The following ESRP2 variants were observed in gnomAD, a reference collection of about 807,000 sequenced individuals.
ESRP2 encodes the protein RNA binding motif protein 35A.
In ESRP2, 48 loss-of-function variants were observed where a neutral mutation model predicts 78.6. The ratio of observed to expected loss-of-function variants is 0.61; its 90% CI spans 0.48 to 0.78. ESRP2 has a LOEUF of 0.78. ESRP2 is among the 30% of genes least tolerant of loss of function. ESRP2 has a pLI of 0.00. For synonymous variants in ESRP2, 383 were observed against 406.7 expected (o/e 0.94, Z 0.70); for missense variants, 863 against 965.9 (o/e 0.89, Z 1.41).
Position 68,232,155 on chromosome 16 carries a change from C to T in ESRP2, c.998-52G>A, listed in dbSNP as rs756123489. ...TCACTCATGCTCCTCCAGACACTCA[C>T]CCATGCAGGGGAGCAGGCAGGCAAG... On this transcript the variant is annotated intron_variant, in intron 9 of 14. Transcript: ENST00000473183. This position sits in a 1 kb window ranked among gnomAD's most constrained non-coding sequence, Gnocchi z 5.2. The T allele has an allele frequency of 1.2e-6, 2 of 1,612,132 alleles. No individual in the cohort carries two copies. The highest frequency in any genetic ancestry group is 1.3e-5 in the African/African-American group (1 of 74,992).
chr16:68,234,025 C>T lies in ESRP2; in HGVS notation c.410G>A (p.Arg137Gln), dbSNP rs753751967. The change falls in exon 3 of 15, where the codon CGA becomes CAA. Residue 137 changes from arginine (R) to glutamine (Q), a missense_variant. Arg to Gln is a conservative substitution (Grantham distance 43, BLOSUM62 1). Coordinates refer to ENST00000473183, the MANE Select transcript of ESRP2 (RefSeq NM_024939.3). The stretch of plus-strand genomic sequence containing the variant: ...GGAGGCCTCGGGGTGCAGGACCTGT[C>T]GCAATAGCTGCTGCCCATCAGTGCA... ...MLCTDGQQLL[R>Q]QVLHPEASRK... The T allele has an allele frequency of 7.4e-6, 12 of 1,613,930 alleles. No individual in the cohort carries two copies. Among genetic ancestry groups the T allele is most frequent in the African/African-American group, 4.0e-5 (3 of 74,900 alleles).
rs750177300 is a variant in ESRP2, at chr16:68,232,646, G to A, written c.752C>T (p.Ala251Val). 6.2e-7 allele frequency: 1 copy of A among 1,614,190 alleles called. No homozygotes were observed. The highest frequency in any genetic ancestry group is 8.5e-7 in the Non-Finnish European group (1 of 1,180,038). ...TGATGACTGCCACGGCAACCCACGAGCCCGTACCACAGTCTCACTGTCCAC... is the reference window on the plus strand; with the variant it reads ...TGATGACTGCCACGGCAACCCACGAACCCGTACCACAGTCTCACTGTCCAC... ...DVVDSETVVR[A>V]RGLPWQSSDQ... is the part of the protein sequence containing the mutation. Residue 251 changes from alanine (A) to valine (V), a missense_variant, in exon 7 of 15, where the codon GCT becomes GTT. Physicochemically the swap from Ala to Val is moderately conservative, Grantham distance 64. Transcript: ENST00000473183. This position sits in a 1 kb window ranked among gnomAD's most constrained non-coding sequence, Gnocchi z 5.2.
chr16:68,233,092 T>C (rs2042168387), intron 5 of ESRP2: 1 of 611,026 alleles, frequency 1.6e-6, no homozygotes, highest in South Asian at 2.0e-5. Context: ...CCAGCTACTC[T>C]GGAGGCTTAG....
In ESRP2 at chr16:68,235,140, G is replaced by A; in HGVS notation, c.327+494C>T. On this transcript the variant is annotated intron_variant, in intron 2 of 14. Transcript: ENST00000473183. This position sits in a 1 kb window ranked among gnomAD's most constrained non-coding sequence, Gnocchi z 5.5. The stretch of plus-strand genomic sequence containing the variant: ...GCGCCCACGCCTGGCCAGCCGGCCG[G>A]GACAGGCCTAGACGAGCAGTTTACA... 1 of 992,736 alleles carries A rather than the reference G, an allele frequency of 1.0e-6. No homozygotes were observed. Among genetic ancestry groups the A allele is most frequent in the Non-Finnish European group, 1.2e-6 (1 of 834,328 alleles). The allele number at this position is 992,736 out of a possible 1,614,324, so 61.5% of individuals were successfully genotyped here.
At chr16:68,230,625 C>T in intron 13 of ESRP2, 71 bp from the exon 14 acceptor site, 1 of 1,495,874 alleles carries the variant, frequency 6.7e-7, no homozygotes, top group Non-Finnish European at 8.9e-7. Context: ...TTTCCCTCCT[C>T]CCTTGTTTCT....
rs754535077 is a variant in ESRP2, at chr16:68,232,585, G to A, written c.813C>T (p.Asn271=). 6.2e-6 allele frequency: 10 copies of A among 1,613,812 alleles called. No individual in the cohort carries two copies. The highest frequency in any genetic ancestry group is 3.3e-4 in the Middle Eastern group (2 of 6,084). ...QDVARFFKGL[N]VARGGVALCL... ...CACCCTGCCACACCCACCTGGCCAC[G>A]TTGAGCCCTTTGAAGAAGCGAGCCA... Residue 271 remains asparagine, a synonymous_variant, in exon 7 of 15, where the codon AAC becomes AAT. Coordinates refer to ENST00000473183, the MANE Select transcript of ESRP2 (RefSeq NM_024939.3). This position sits in a 1 kb window ranked among gnomAD's most constrained non-coding sequence, Gnocchi z 5.2.
chr16:68,232,342 C>G lies in ESRP2; in HGVS notation c.954+29G>C. The G allele has an allele frequency of 3.1e-6, 5 of 1,614,174 alleles. No individual in the cohort carries two copies. The highest frequency in any genetic ancestry group is 4.2e-6 in the Non-Finnish European group (5 of 1,180,018). On this transcript the variant is annotated intron_variant, in intron 8 of 14. Transcript: ENST00000473183. This position sits in a 1 kb window ranked among gnomAD's most constrained non-coding sequence, Gnocchi z 5.2. ...GGTCTCAGGCCTGACTCAGATTGGC[C>G]CTGCTCCGCTCCCAGCCCAAAGCCC... is the stretch of plus-strand genomic sequence containing the variant.
In ESRP2 at chr16:68,233,970, C is replaced by T. The variant is rs182892136; in HGVS notation, c.441+24G>A. 5 of 1,611,214 alleles carry T rather than the reference C, an allele frequency of 3.1e-6. No individual in the cohort carries two copies. The Admixed American group carries it at 6.7e-5, about 22-fold the overall frequency. Reference sequence around the variant, plus strand: ...GAACCTTACTGACCACCCCACCCCACCCGGTTTTCCTTCAGGAGCATACCT... The same window carrying T: ...GAACCTTACTGACCACCCCACCCCATCCGGTTTTCCTTCAGGAGCATACCT... On this transcript the variant is annotated intron_variant, in intron 3 of 14. Coordinates refer to ENST00000473183, the MANE Select transcript of ESRP2 (RefSeq NM_024939.3).
At position 68,235,178 on chromosome 16, in the gene ESRP2, T is replaced by C; in HGVS notation, c.327+456A>G. 1.0e-6 allele frequency: 1 copy of C among 985,306 alleles called. No homozygotes were observed. The highest frequency in any genetic ancestry group is 1.2e-6 in the Non-Finnish European group (1 of 829,900). 61.0% of individuals were successfully genotyped at this position (985,306 alleles called of 1,614,324 possible). On this transcript the variant is annotated intron_variant, in intron 2 of 14. Transcript: ENST00000473183. The surrounding 1 kb of genome is among the most constrained non-coding windows in gnomAD (Gnocchi z 5.5). ...CGAGCAGTTTACACCTGGCGGCGTC[T>C]ACCTCTAGGGCCGACACCGCCCTAC...
In ESRP2 at chr16:68,235,968, C is replaced by A; in HGVS notation, c.78G>T (p.Trp26Cys). ...CGAAGAGGACGACCAGTGATCCGGG[C>A]CAGGGGCAGGGGTCCGCGGCGGGGT... ...AADPAADPCP[W>C]PGSLVVLFGA... Residue 26 changes from tryptophan to cysteine, a missense_variant, in exon 1 of 15, where the codon TGG becomes TGT. Trp to Cys is a radical substitution (Grantham distance 215). Coordinates refer to ENST00000473183, the MANE Select transcript of ESRP2 (RefSeq NM_024939.3). This position sits in a 1 kb window ranked among gnomAD's most constrained non-coding sequence, Gnocchi z 5.5. 6.2e-7 allele frequency: 1 copy of A among 1,607,336 alleles called. No individual in the cohort carries two copies. The highest frequency in any genetic ancestry group is 8.5e-7 in the Non-Finnish European group (1 of 1,177,970).
chr16:68,233,975 T>A lies in ESRP2; in HGVS notation c.441+19A>T. 1.2e-6 allele frequency: 2 copies of A among 1,612,208 alleles called. No individual in the cohort carries two copies. The highest frequency in any genetic ancestry group is 1.7e-6 in the Non-Finnish European group (2 of 1,178,630). ...TTACTGACCACCCCACCCCACCCGG[T>A]TTTCCTTCAGGAGCATACCTTCCTG... On this transcript the variant is annotated intron_variant, in intron 3 of 14. Transcript: ENST00000473183.
chr16:68,232,237 T>C lies in ESRP2; in HGVS notation c.997+9A>G. 1 of 1,614,158 alleles carries C rather than the reference T, an allele frequency of 6.2e-7. No individual in the cohort carries two copies. Among genetic ancestry groups the C allele is most frequent in the Non-Finnish European group, 8.5e-7 (1 of 1,179,996 alleles). On this transcript the variant is annotated intron_variant, in intron 9 of 14. Transcript: ENST00000473183. This position sits in a 1 kb window ranked among gnomAD's most constrained non-coding sequence, Gnocchi z 5.2. ...CAGGGGAGCCAGGCCCTGTTTGCAG[T>C]ATACTCACCCCCTGCAATCTTTACA...
Position 68,230,603 on chromosome 16 carries a change from G to C in ESRP2, c.1899-49C>G, listed in dbSNP as rs1419232720. The stretch of plus-strand genomic sequence containing the variant: ...AGTCATGCATGCCACCTGTGGCCTA[G>C]ACCGAGACCTGTTTCCCTCCTCCCT... On this transcript the variant is annotated intron_variant, in intron 13 of 14. Transcript: ENST00000473183. 2.6e-6 allele frequency: 4 copies of C among 1,517,262 alleles called. No homozygotes were observed. The Admixed American group carries it at 6.4e-5, about 24-fold the overall frequency. 94.0% of individuals were successfully genotyped at this position (1,517,262 alleles called of 1,614,324 possible).
Position 68,231,610 on chromosome 16 carries a change from T to A in ESRP2, c.1384A>T (p.Thr462Ser). ...CGGAGGCGTACACAGTCCCTCCCAG[T>A]CCCAGGTGCCAGTGGGAAGGGGATG... The part of the protein sequence containing the change: ...LPIPFPLAPG[T>S]GRDCVRLRGL... The change falls in exon 11 of 15, where the codon ACT becomes TCT. Residue 462 changes from threonine to serine, a missense_variant. By Grantham distance (58) the Thr-to-Ser change is moderately conservative. Coordinates refer to ENST00000473183, the MANE Select transcript of ESRP2 (RefSeq NM_024939.3). The surrounding 1 kb of genome is among the most constrained non-coding windows in gnomAD (Gnocchi z 6.0). 1.2e-6 allele frequency: 2 copies of A among 1,613,828 alleles called. No homozygotes were observed. The highest frequency in any genetic ancestry group is 1.7e-6 in the Non-Finnish European group (2 of 1,179,928).
intron 13 of ESRP2, 46 bp downstream of exon 13, chr16:68,230,795 T>C: frequency 5.0e-6 from 8 of 1,608,564 alleles, no homozygotes; most frequent in Non-Finnish European, 5.9e-6. Flanking sequence ...TTTCCCCAGA[T>C]TGGGACAGGG....
intron 13 of ESRP2, 73 bp from the exon 14 acceptor site, chr16:68,230,627 C>A: frequency 6.7e-7 from 1 of 1,491,900 alleles, no homozygotes; most frequent in Non-Finnish European, 9.0e-7. Flanking sequence ...TCCCTCCTCC[C>A]TTGTTTCTGC....
At position 68,232,226 on chromosome 16, in the gene ESRP2, C is replaced by G; in HGVS notation, c.997+20G>C. On this transcript the variant is annotated intron_variant, in intron 9 of 14. Coordinates refer to ENST00000473183, the MANE Select transcript of ESRP2 (RefSeq NM_024939.3). This position sits in a 1 kb window ranked among gnomAD's most constrained non-coding sequence, Gnocchi z 5.2. ...GGATCAAGAACCAGGGGAGCCAGGC[C>G]CTGTTTGCAGTATACTCACCCCCTG... The G allele has an allele frequency of 6.2e-7, 1 of 1,614,090 alleles. No individual in the cohort carries two copies. The highest frequency in any genetic ancestry group is 8.5e-7 in the Non-Finnish European group (1 of 1,179,994).
chr16:68,235,713 C>G lies in ESRP2; in HGVS notation c.248G>C (p.Ser83Thr). The change falls in exon 2 of 15, where the codon AGT becomes ACT. Residue 83 changes from serine (S) to threonine (T), a missense_variant. Ser to Thr is a moderately conservative substitution (Grantham distance 58). Transcript: ENST00000473183. This position sits in a 1 kb window ranked among gnomAD's most constrained non-coding sequence, Gnocchi z 5.5. ...SLVRAEAAAL[S>T]TQCREASGLS... The stretch of plus-strand genomic sequence containing the variant: ...GCCGCTCGCCTCGCGGCACTGCGTA[C>G]TCAGTGCGGCCGCCTCGGCACGAAC... The G allele has an allele frequency of 3.7e-6, 6 of 1,604,738 alleles. No homozygotes were observed. Among genetic ancestry groups the G allele is most frequent in the Non-Finnish European group, 5.1e-6 (6 of 1,178,950 alleles).
Position 68,232,458 on chromosome 16 carries a change from G to C in ESRP2, c.867C>G (p.Gly289=), listed in dbSNP as rs570243647. The change falls in exon 8 of 15, where the codon GGC becomes GGG. Residue 289 remains glycine, a synonymous_variant. Coordinates refer to ENST00000473183, the MANE Select transcript of ESRP2 (RefSeq NM_024939.3). This position sits in a 1 kb window ranked among gnomAD's most constrained non-coding sequence, Gnocchi z 5.2. Reference sequence around the variant, plus strand: ...TGTCCACAAAGCGGATGAGGGCCTCGCCATTTCTGCGGCCCTGGGCGTTGA... The same window carrying C: ...TGTCCACAAAGCGGATGAGGGCCTCCCCATTTCTGCGGCCCTGGGCGTTGA... ...LCLNAQGRRN[G]EALIRFVDSE... The C allele has an allele frequency of 1.4e-5, 22 of 1,613,918 alleles. No homozygotes were observed. Among genetic ancestry groups the C allele is most frequent in the Non-Finnish European group, 1.8e-5 (21 of 1,180,008 alleles).
Sources: gnomAD v4.1 joint callset for allele counts on GRCh38, gnomAD v4.1.1 for gene constraint, Gnocchi (gnomAD v3.1) non-coding constraint, MANE v1.5 for transcripts, NCBI Gene and HGNC (gene_info 2026-07-23, HGNC 2026-07-21) for gene names.